RBFOX1: variants seen among roughly 807,000 people sequenced by gnomAD.
RBFOX1 encodes the protein RNA binding fox-1 homolog 1.
In RBFOX1, 8 loss-of-function variants were observed where a neutral mutation model predicts 57.7. That is an observed-to-expected ratio of 0.14 (90% confidence interval 0.08 to 0.25). The LOEUF (loss-of-function observed/expected upper bound fraction) is 0.25. Among genes scored for constraint, RBFOX1 ranks in the 10% least tolerant of loss-of-function variants. RBFOX1 has a pLI of 1.00. For missense variants in RBFOX1, 611 were observed against 548.5 expected (o/e 1.11, Z -1.14); for synonymous variants, 326 against 222.4 (o/e 1.47, Z -4.15).
chr16:6,759,300 G>C (rs950306496), intron 3 of RBFOX1, among the ~76,000 whole-genome samples: 3 of 152,022 alleles, frequency 2.0e-5, no homozygotes, highest in African/African-American at 4.8e-5. Flanking sequence ...ACAGGTGCAT[G>C]GCACCACAGC....
chr16:5,581,866 C>T (rs996171176), intron 2 of RBFOX1, among the ~76,000 whole-genome samples: 4 of 152,048 alleles, frequency 2.6e-5, no homozygotes, highest in African/African-American at 9.7e-5. Flanking sequence ...AGAGAGGCCT[C>T]TGAGAGGTAG....
chr16:6,879,340 C>G (rs903113546), intron 3 of RBFOX1, among the ~76,000 whole-genome samples: 17 of 152,200 alleles, frequency 1.1e-4, no homozygotes, highest in Admixed American at 8.5e-4. Flanking sequence ...TTCAGACACT[C>G]TGTCTCCTAT....
At chr16:5,530,933 TAAAAAAAAAAAAAAAAAAAA>T (rs59311923) in intron 2 of RBFOX1, among the ~76,000 whole-genome samples, 12 of 55,048 alleles carry the variant, frequency 2.2e-4, no homozygotes, top group South Asian at 1.9e-3. Flanking sequence ...ACTAAAAATA[TAAAAAAAAAAAAAAAAAAAA>T]AAAAAAAAAA....
At chr16:5,731,091 A>T (rs2052354341) in intron 3 of RBFOX1, among the ~76,000 whole-genome samples, 1 of 152,094 alleles carries the variant, frequency 6.6e-6, no homozygotes, top group Non-Finnish European at 1.5e-5. Flanking sequence ...CACCATCAAC[A>T]TCATTGTCCT....
intron 1 of RBFOX1, among the ~76,000 whole-genome samples, chr16:5,299,718 A>G (rs894994891): frequency 6.6e-6 from 1 of 152,194 alleles, no homozygotes; most frequent in Non-Finnish European, 1.5e-5. Context: ...TTTGATGTAT[A>G]CAATCATGCC....
intron 4 of RBFOX1, among the ~76,000 whole-genome samples, chr16:7,250,374 C>T (rs2094460463): frequency 2.0e-5 from 3 of 152,146 alleles, no homozygotes; most frequent in Admixed American, 1.3e-4. Context: ...TGATTAAATG[C>T]TTTAAAGCCA....
chr16:7,457,685 C>T (rs1351969967), intron 4 of RBFOX1, among the ~76,000 whole-genome samples: 5 of 151,944 alleles, frequency 3.3e-5, no homozygotes, highest in African/African-American at 1.2e-4. Flanking sequence ...CCTCTGTTGC[C>T]CTCATATTTT....
At chr16:6,636,184 T>G (rs1313615497) in intron 2 of RBFOX1, among the ~76,000 whole-genome samples, 1 of 152,168 alleles carries the variant, frequency 6.6e-6, no homozygotes, top group African/African-American at 2.4e-5. Flanking sequence ...GATTTTTTCT[T>G]TTTTGAGATG....
intron 4 of RBFOX1, among the ~76,000 whole-genome samples, chr16:7,095,504 G>A (rs2061547029): frequency 6.6e-6 from 1 of 152,126 alleles, no homozygotes; most frequent in East Asian, 1.9e-4. Context: ...TCTGTGATGT[G>A]GAGTTGTGTG....
chr16:5,821,925 C>G (rs908971198), intron 3 of RBFOX1, among the ~76,000 whole-genome samples: 31 of 152,318 alleles, frequency 2.0e-4, no homozygotes, highest in Middle Eastern at 6.8e-3. Context: ...CCTAAAGACC[C>G]CACTTACTAA....
At chr16:7,552,939 T>A (rs1441929935) in intron 5 of RBFOX1, among the ~76,000 whole-genome samples, 1 of 152,056 alleles carries the variant, frequency 6.6e-6, no homozygotes, top group East Asian at 1.9e-4. Flanking sequence ...CGCCTCGGAC[T>A]CCCAAAGCAC....
At chr16:7,618,509 C>T (rs532189062) in intron 10 of RBFOX1, among the ~76,000 whole-genome samples, 10 of 151,760 alleles carry the variant, frequency 6.6e-5, no homozygotes, top group Admixed American at 5.3e-4. Flanking sequence ...AAATTACCAG[C>T]GATTTCAAAC....
intron 4 of RBFOX1, among the ~76,000 whole-genome samples, chr16:7,434,939 C>T (rs908064756): frequency 3.9e-5 from 6 of 152,042 alleles, no homozygotes; most frequent in Admixed American, 6.5e-5. Flanking sequence ...GGGGTTTCAC[C>T]GTGTTGGTGA....
At chr16:5,527,122 T>C (rs1014884457) in intron 2 of RBFOX1, among the ~76,000 whole-genome samples, 3 of 152,156 alleles carry the variant, frequency 2.0e-5, no homozygotes, top group Non-Finnish European at 4.4e-5. Flanking sequence ...GGCGACATAT[T>C]GGAAAGGCTG....
intron 2 of RBFOX1, among the ~76,000 whole-genome samples, chr16:6,622,718 C>G (rs1456147119): frequency 6.6e-6 from 1 of 152,006 alleles, no homozygotes; most frequent in African/African-American, 2.4e-5. Flanking sequence ...CTGAGATTTT[C>G]TATTTTTAAA....
At chr16:6,639,959 C>T (rs1167591937) in intron 2 of RBFOX1, among the ~76,000 whole-genome samples, 1 of 152,132 alleles carries the variant, frequency 6.6e-6, no homozygotes, top group Non-Finnish European at 1.5e-5. Flanking sequence ...TATGTGTCAG[C>T]ACTCTGTATA....
chr16:5,601,508 A>T (rs879722006), downstream of RBFOX1: 4 of 152,192 alleles, frequency 2.6e-5, no homozygotes, highest in Non-Finnish European at 5.9e-5. Flanking sequence ...ATACAACGGA[A>T]TCCTCGGAAG....
chr16:5,850,823 G>A (rs1324128510), intron 3 of RBFOX1, among the ~76,000 whole-genome samples: 5 of 152,252 alleles, frequency 3.3e-5, no homozygotes, highest in African/African-American at 1.2e-4. Context: ...CCAGGTGTGA[G>A]CAGTTCACAT....
intron 4 of RBFOX1, among the ~76,000 whole-genome samples, chr16:5,991,645 G>GTTTCTTTT (rs1567229409): frequency 4.0e-5 from 5 of 123,934 alleles, no homozygotes; most frequent in South Asian, 2.5e-4. Context: ...TTATTAGATA[G>GTTTCTTTT]TTTTTTTTTT....
Sources: allele counts gnomAD v4.1 joint callset (sites outside exome capture counted in the v4.1 genomes callset), GRCh38; gene constraint gnomAD v4.1.1; transcripts MANE v1.5; gene names NCBI Gene and HGNC (gene_info 2026-07-23, HGNC 2026-07-21).